The following LDLRAD4 variants were observed in gnomAD, a reference collection of about 807,000 sequenced individuals.
LDLRAD4 encodes low density lipoprotein receptor class A domain containing 4, also known as low-density lipoprotein receptor class A domain-containing protein 4.
LDLRAD4 carries 5 observed loss-of-function variants against 17.0 expected under a neutral mutation model. The ratio of observed to expected loss-of-function variants is 0.29; its 90% confidence interval spans 0.15 to 0.62. The LOEUF (loss-of-function observed/expected upper bound fraction) is 0.62. Among genes scored for constraint, LDLRAD4 ranks in the 20% least tolerant of loss-of-function variants. The probability of loss-of-function intolerance (pLI) is 0.84; values close to 1 mark genes in which losing one functional copy is unlikely to be tolerated. For synonymous variants in LDLRAD4, 168 were observed against 171.8 expected, an observed-to-expected ratio of 0.98 and a Z score of 0.17; for missense variants, 340 against 424.7, an observed-to-expected ratio of 0.80 and a Z score of 1.75.
chr18:13,393,666 G>C (rs1263524249), intron 2 of LDLRAD4, among the ~76,000 whole-genome samples: 1 of 152,154 alleles, frequency 6.6e-6, no homozygotes, highest in Non-Finnish European at 1.5e-5. Flanking sequence ...TAGTTCTGCC[G>C]ATGCTCTTTA....
At chr18:13,414,190 C>T (rs1433365527) in intron 2 of LDLRAD4, among the ~76,000 whole-genome samples, 1 of 151,980 alleles carries the variant, frequency 6.6e-6, no homozygotes, top group Non-Finnish European at 1.5e-5. Context: ...AGGCAAGACT[C>T]TTGGTTGAAG....
intron 2 of LDLRAD4, among the ~76,000 whole-genome samples, chr18:13,410,430 G>C (rs1008815121): frequency 6.6e-6 from 1 of 152,236 alleles, no homozygotes; most frequent in African/African-American, 2.4e-5. Flanking sequence ...GTTAAGGAGA[G>C]TAGACAGGAA....
chr18:13,440,702 T>A lies in LDLRAD4; in HGVS notation c.181+2318T>A, dbSNP rs576772875. Among the ~76,000 whole-genome samples, 2 of 152,232 alleles carry A rather than the reference T, an allele frequency of 1.3e-5. No homozygotes were observed. The highest frequency in any genetic ancestry group is 1.3e-4 in the Admixed American group (2 of 15,282). ...AGGCACACTTCCTGCCGTGTAAGCA[T>A]CTAAAGGAAAGAACGTCCATGGGAA... On this transcript the variant is annotated intron_variant, in intron 3 of 5. Transcript: ENST00000359446. The surrounding 1 kb of genome is among the most constrained non-coding windows in gnomAD (Gnocchi z 4.4).
intron 3 of LDLRAD4, among the ~76,000 whole-genome samples, chr18:13,559,295 C>A (rs1390195930): frequency 2.6e-5 from 4 of 152,196 alleles, no homozygotes; most frequent in Non-Finnish European, 4.4e-5. Context: ...GTGACTCAGC[C>A]CCTCACCAAC....
intron 3 of LDLRAD4, among the ~76,000 whole-genome samples, chr18:13,594,132 TG>T (rs2148570737): frequency 6.6e-6 from 1 of 152,184 alleles, no homozygotes; most frequent in East Asian, 1.9e-4. Context: ...GTGGGGTTGG[TG>T]GGGCTGGTGT....
intron 3 of LDLRAD4, among the ~76,000 whole-genome samples, chr18:13,584,458 C>T (rs565598077): frequency 9.9e-5 from 15 of 152,242 alleles, no homozygotes; most frequent in African/African-American, 3.6e-4. Context: ...TGCTATCTGT[C>T]TCCTCTTCCT....
chr18:13,563,926 G>GTC (rs5823261), intron 3 of LDLRAD4, among the ~76,000 whole-genome samples: 57 of 151,136 alleles, frequency 3.8e-4, no homozygotes, highest in African/African-American at 1.4e-3. Flanking sequence ...TTTTAAGAGA[G>GTC]TCTCTCTCTC....
intron 4 of LDLRAD4, chr18:13,641,761 G>A (rs1187932748): frequency 4.1e-6 from 4 of 985,400 alleles, no homozygotes; most frequent in Non-Finnish European, 4.8e-6. Context: ...GCCGAGGGCC[G>A]GGCCTCGGGG....
intron 2 of LDLRAD4, 105 bp from the exon 4 acceptor site, chr18:13,438,139 A>G (rs2090787822): frequency 1.9e-6 from 2 of 1,040,390 alleles, no homozygotes; most frequent in South Asian, 1.4e-5. Context: ...GAGCTCCCAA[A>G]CAATCATGGC....
intron 3 of LDLRAD4, among the ~76,000 whole-genome samples, chr18:13,540,456 T>C (rs142510875): frequency 2.4e-4 from 37 of 151,138 alleles, no homozygotes; most frequent in African/African-American, 8.7e-4. Flanking sequence ...ATGCATCCTA[T>C]ATAACCTTTT....
chr18:13,346,996 G>A (rs1355312742), intron 1 of LDLRAD4, among the ~76,000 whole-genome samples: 2 of 152,192 alleles, frequency 1.3e-5, no homozygotes, highest in Non-Finnish European at 2.9e-5. Context: ...CCTGAATACA[G>A]CACACTGATG....
intron 3 of LDLRAD4, among the ~76,000 whole-genome samples, chr18:13,451,781 T>G (rs947930384): frequency 6.6e-6 from 1 of 152,060 alleles, no homozygotes; most frequent in Non-Finnish European, 1.5e-5. Flanking sequence ...CACTCTGAGG[T>G]CTCTTTCCCA....
chr18:13,628,423 T>C (rs887960616), intron 4 of LDLRAD4, among the ~76,000 whole-genome samples: 7 of 152,178 alleles, frequency 4.6e-5, no homozygotes, highest in Non-Finnish European at 1.0e-4. Context: ...CAGTGACAGC[T>C]CTCCGTTACT....
intron 1 of LDLRAD4, among the ~76,000 whole-genome samples, chr18:13,256,783 T>G (rs1255907673): frequency 6.6e-6 from 1 of 152,182 alleles, no homozygotes; most frequent in Non-Finnish European, 1.5e-5. Context: ...AAGGAAGGCG[T>G]CAAAAGCAGG....
chr18:13,224,963 G>A (rs1351534380), intron 1 of LDLRAD4, among the ~76,000 whole-genome samples: 2 of 151,512 alleles, frequency 1.3e-5, no homozygotes, highest in Non-Finnish European at 2.9e-5. Flanking sequence ...CCTAAATTGA[G>A]TAGCTGGGAT....
intron 1 of LDLRAD4, among the ~76,000 whole-genome samples, chr18:13,264,972 C>G (rs142406225): frequency 1.3e-5 from 2 of 152,180 alleles, no homozygotes; most frequent in African/African-American, 4.8e-5. Context: ...AGAGCTCTCT[C>G]TTTTCTTTTA....
chr18:13,324,532 C>T (rs114828492), intron 1 of LDLRAD4, among the ~76,000 whole-genome samples: 1,797 of 152,138 alleles, frequency 0.012, 37 homozygotes, highest in African/African-American at 0.041. Flanking sequence ...AGTGGCAGAA[C>T]GGGGAAGAGG....
chr18:13,399,458 GCA>G (rs2086974405), intron 2 of LDLRAD4, among the ~76,000 whole-genome samples: 1 of 152,208 alleles, frequency 6.6e-6, no homozygotes, highest in African/African-American at 2.4e-5. Context: ...TAAAGCACTT[GCA>G]ACGAAGCCAG....
rs76450881 is a variant in LDLRAD4, at chr18:13,594,651, G to A, written c.182-26466G>A. ...ACTATGCTCCAGCCTGGGTGACAGAGCAAGATTCCATCTCAAAAAAAAAAA... is the reference window on the plus strand; with the variant it reads ...ACTATGCTCCAGCCTGGGTGACAGAACAAGATTCCATCTCAAAAAAAAAAA... On this transcript the variant is annotated intron_variant, in intron 3 of 5. Transcript: ENST00000359446. Among the ~76,000 whole-genome samples the A allele has an allele frequency of 2.5e-3, 194 of 77,580 alleles. 5 individuals are homozygous for A. In the East Asian group the frequency reaches 0.039, roughly 16 times the overall value. 50.9% of individuals were successfully genotyped at this position (77,580 alleles called of 152,430 possible). A position where few individuals can be genotyped will look rare whatever the true frequency, so the allele number is the denominator to read the frequency against.
Sources: gnomAD v4.1 joint callset for allele counts (sites outside exome capture counted in the v4.1 genomes callset) on GRCh38, gnomAD v4.1.1 for gene constraint, Gnocchi (gnomAD v3.1) non-coding constraint, MANE v1.5 for transcripts, NCBI Gene and HGNC (gene_info 2026-07-23, HGNC 2026-07-21) for gene names.